The following CDKL3 variants were observed in gnomAD, a reference collection of about 807,000 sequenced individuals.
CDKL3 encodes the protein cyclin dependent kinase like 3, also known as cyclin-dependent kinase-like 3.
A neutral mutation model predicts 69.3 loss-of-function variants in CDKL3; 65 were observed. That is an observed-to-expected ratio of 0.94 (90% CI 0.77 to 1.15). The LOEUF (loss-of-function observed/expected upper bound fraction) is 1.15, where lower values mean the gene tolerates loss of function less well. Ranked by LOEUF, CDKL3 falls within the 50% of genes most tolerant of loss-of-function variation. The pLI, the probability that CDKL3 is intolerant of heterozygous loss-of-function variation, is 0.00. For synonymous variants in CDKL3, 202 were observed against 221.6 expected (o/e 0.91, Z 0.79); for missense variants, 652 against 689.2 (o/e 0.95, Z 0.61).
At chr5:134,365,048 T>C (rs1166598114) in intron 2 of CDKL3, among the ~76,000 whole-genome samples, 2 of 151,604 alleles carry the variant, frequency 1.3e-5, no homozygotes, top group East Asian at 3.9e-4. Context: ...AGTGGCGCTG[T>C]CTTGGCTCAC....
chr5:134,302,789 C>A, intron 11 of CDKL3, 102 bp from the exon 12 acceptor site: 1 of 615,112 alleles, frequency 1.6e-6, no homozygotes, highest in East Asian at 3.0e-5. Context: ...AAGTCAGTTT[C>A]TCAGTTTATT....
rs898541152 is a variant in CDKL3, at chr5:134,328,408, C to T, written c.540-6505G>A. Among the ~76,000 whole-genome samples, 10 of 151,570 alleles carry T rather than the reference C, an allele frequency of 6.6e-5. No homozygotes were observed. The East Asian group carries it at 7.7e-4, about 12-fold the overall frequency. On this transcript the variant is annotated intron_variant, in intron 4 of 12. Coordinates refer to ENST00000265334, the MANE Select transcript of CDKL3 (RefSeq NM_001113575.2). ...ACAATAACTGAAATTTAAAAATTCA[C>T]GAGAGGAAATCAACAGTAGATTTAA...
At chr5:134,361,674 C>T (rs977042496) in intron 2 of CDKL3, among the ~76,000 whole-genome samples, 24 of 152,010 alleles carry the variant, frequency 1.6e-4, no homozygotes, top group Non-Finnish European at 1.8e-4. Context: ...GAGGCTGAGG[C>T]GGGCAAATCA....
At position 134,357,626 on chromosome 5, in the gene CDKL3, T is replaced by C. The variant is rs181759104; in HGVS notation, c.360+2271A>G. ...CAGCCTGGGTGACAGAGAGAGACTC[T>C]GTCTCAAAAAAAAATACTGTAATAA... On this transcript the variant is annotated intron_variant, in intron 3 of 12. Coordinates refer to ENST00000265334, the MANE Select transcript of CDKL3 (RefSeq NM_001113575.2). Among the ~76,000 whole-genome samples the C allele has an allele frequency of 3.3e-3, 501 of 152,100 alleles. 1 individual carries two copies. Among genetic ancestry groups the C allele is most frequent in the African/African-American group, 0.011 (474 of 41,494 alleles).
intron 3 of CDKL3, among the ~76,000 whole-genome samples, chr5:134,352,260 C>T (rs1753487245): frequency 6.6e-6 from 1 of 151,620 alleles, no homozygotes; most frequent in South Asian, 2.1e-4. Context: ...ATACATACTA[C>T]ATTTCCTTTA....
chr5:134,349,170 A>G (rs1472516249), intron 4 of CDKL3, among the ~76,000 whole-genome samples: 1 of 152,218 alleles, frequency 6.6e-6, no homozygotes, highest in African/African-American at 2.4e-5. Context: ...TATCTAAAGC[A>G]TTTAGAACAG....
At chr5:134,299,892 C>G in intron 12 of CDKL3, 1 of 574,140 alleles carries the variant, frequency 1.7e-6, no homozygotes, top group Middle Eastern at 3.4e-4. Flanking sequence ...CAATGTATTC[C>G]TTATCATTAT....
In CDKL3 at chr5:134,366,395, G is replaced by C. The variant is rs1757453831; in HGVS notation, c.129C>G (p.Val43=). The C allele has an allele frequency of 6.3e-7, 1 of 1,587,668 alleles. No homozygotes were observed. Among genetic ancestry groups the C allele is most frequent in the Non-Finnish European group, 8.6e-7 (1 of 1,169,228 alleles). The change falls in exon 2 of 13, where the codon GTC becomes GTG. Residue 43 remains valine (V), a synonymous_variant. Coordinates refer to ENST00000265334, the MANE Select transcript of CDKL3 (RefSeq NM_001113575.2). ...TTATTTCTCTCATCGCAATTTTGTT[G>C]ACAGATTGTTCTGGTCTCTCATAAA... ...KIFYERPEQS[V]NKIAMREIKF... is the part of the protein sequence containing the mutation.
At chr5:134,285,223 G>A (rs1580740292), downstream of CDKL3, among the ~76,000 whole-genome samples, 1 of 152,150 alleles carries the variant, frequency 6.6e-6, no homozygotes, top group East Asian at 1.9e-4. Context: ...GGGACTCTGT[G>A]TGGGGGCTCC....
intron 4 of CDKL3, among the ~76,000 whole-genome samples, chr5:134,342,743 C>G (rs1750828700): frequency 6.6e-6 from 1 of 152,146 alleles, no homozygotes; most frequent in Non-Finnish European, 1.5e-5. Flanking sequence ...ACAATGTAAT[C>G]CATATCAGAA....
At position 134,286,764 on chromosome 5, in the gene CDKL3, A is replaced by T. The variant is rs559270544; in HGVS notation, c.*678-205T>A. ...ATCTCATGAGACTTACTATTATGAG[A>T]ACAGCACAGGAAAGACCTGCCCCCA... is the stretch of plus-strand genomic sequence containing the variant. On this transcript the variant is annotated intron_variant and NMD_transcript_variant, in intron 8 of 8. Transcript: ENST00000519312. Among the ~76,000 whole-genome samples the T allele has an allele frequency of 7.9e-5, 12 of 152,240 alleles. No individual in the cohort carries two copies. The East Asian group carries it at 2.3e-3, about 29-fold the overall frequency.
chr5:134,306,750 C>CTTTTTTTTTTTT lies in CDKL3; in HGVS notation c.1365-60_1365-49dup, dbSNP rs11414446. 3.1e-5 allele frequency: 7 copies of CTTTTTTTTTTTT among 227,694 alleles called. 1 individual carries two copies. The highest frequency in any genetic ancestry group is 1.5e-4 in the African/African-American group (3 of 20,088). 14.1% of individuals were successfully genotyped at this position (227,694 alleles called of 1,614,324 possible). ...AAGTTACTAAAACTCCCCAGAAATG[C>CTTTTTTTTTTTT]TTTTTTTTTTTTTTTTTTTTTTTTG... is the stretch of plus-strand genomic sequence containing the variant. On this transcript the variant is annotated intron_variant, in intron 9 of 12. Coordinates refer to ENST00000265334, the MANE Select transcript of CDKL3 (RefSeq NM_001113575.2).
intron 4 of CDKL3, among the ~76,000 whole-genome samples, chr5:134,346,186 C>T (rs191693523): frequency 3.0e-4 from 46 of 152,280 alleles, no homozygotes; most frequent in Admixed American, 8.5e-4. Flanking sequence ...CCAGAGAGGT[C>T]CTGCCCATAC....
rs1421329462 is a variant in CDKL3, at chr5:134,366,990, C to T, written c.-35G>A. ...AGGATGCCGGACCGGCGTCACGCCC[C>T]ACGTCCCGCTGTTGACTTTATCCAA... On this transcript the variant is annotated 5_prime_UTR_variant, in exon 1 of 13. Coordinates refer to ENST00000265334, the MANE Select transcript of CDKL3 (RefSeq NM_001113575.2). The T allele has an allele frequency of 1.0e-6, 1 of 989,694 alleles. No individual in the cohort carries two copies. The highest frequency in any genetic ancestry group is 1.1e-4 in the East Asian group (1 of 8,944). The allele number at this position is 989,694 out of a possible 1,614,324, so 61.3% of individuals were successfully genotyped here. A position where few individuals can be genotyped will look rare whatever the true frequency, so the allele number is the denominator to read the frequency against.
intron 4 of CDKL3, among the ~76,000 whole-genome samples, chr5:134,345,021 C>T (rs1419574026): frequency 1.3e-5 from 2 of 152,030 alleles, no homozygotes; most frequent in Admixed American, 6.5e-5. Flanking sequence ...GCCGAGATCA[C>T]GCCACTGCAC....
chr5:134,333,200 T>G (rs1776228290), intron 4 of CDKL3, among the ~76,000 whole-genome samples: 1 of 152,228 alleles, frequency 6.6e-6, no homozygotes, highest in Non-Finnish European at 1.5e-5. Flanking sequence ...GCTTATCAGC[T>G]TAAGGAGATT....
chr5:134,321,731 G>A, intron 5 of CDKL3, 60 bp downstream of exon 5: 2 of 907,046 alleles, frequency 2.2e-6, no homozygotes, highest in Non-Finnish European at 3.5e-6. Flanking sequence ...AAATCAAGCA[G>A]AATTGATCTG....
intron 4 of CDKL3, among the ~76,000 whole-genome samples, chr5:134,326,916 G>T (rs1418530721): frequency 6.9e-6 from 1 of 144,386 alleles, no homozygotes; most frequent in Non-Finnish European, 1.5e-5. Context: ...ATAAAATGAA[G>T]ATTTATTTAT....
rs1467480265 is a variant in CDKL3 at position 134,326,858 on chromosome 5, TATATATATAC to T, written c.540-4965_540-4956del. Reference sequence around the variant, plus strand: ...ATATATATATATATATATATATATATATATATATACACACACACACATAGTCCTTATAGTC... The same window carrying T: ...ATATATATATATATATATATATATATACACACACACATAGTCCTTATAGTC... On this transcript the variant is annotated intron_variant, in intron 4 of 12. Transcript: ENST00000265334. Among the ~76,000 whole-genome samples, 163 of 95,386 alleles carry T rather than the reference TATATATATAC, an allele frequency of 1.7e-3. 3 individuals carry two copies. Among genetic ancestry groups the T allele is most frequent in the African/African-American group, 9.3e-3 (144 of 15,458 alleles). The allele number at this position is 95,386 out of a possible 152,430, so 62.6% of individuals were successfully genotyped here. A position where few individuals can be genotyped will look rare whatever the true frequency, so the allele number is the denominator to read the frequency against.
Sources: gnomAD v4.1 joint callset for allele counts (sites outside exome capture counted in the v4.1 genomes callset) on GRCh38, gnomAD v4.1.1 for gene constraint, MANE v1.5 for transcripts, NCBI Gene and HGNC (gene_info 2026-07-23, HGNC 2026-07-21) for gene names.